Variants in P2RY12 observed in about 807,000 individuals in gnomAD.
P2RY12 encodes the protein purinergic receptor P2Y12, also known as P2Y purinoceptor 12.
P2RY12 carries 3 observed loss-of-function variants against 4.5 expected under a neutral mutation model. The ratio of observed to expected loss-of-function variants is 0.67; its 90% CI spans 0.31 to 1.74. The LOEUF (loss-of-function observed/expected upper bound fraction) is 1.74, where lower values mean the gene tolerates loss of function less well. Ranked by LOEUF, P2RY12 falls within the 40% of genes most tolerant of loss-of-function variation. P2RY12 has a pLI of 0.09. For synonymous variants in P2RY12, 148 were observed against 154.1 expected (o/e 0.96, Z 0.29); for missense variants, 356 against 407.8 (o/e 0.87, Z 1.09).
intron 1 of P2RY12, chr3:151,365,174 G>T: frequency 6.2e-7 from 1 of 1,614,072 alleles, no homozygotes; most frequent in South Asian, 1.1e-5. Flanking sequence ...ATACACTCAT[G>T]AATGTATGTA....
chr3:151,356,031 G>A (rs774424420), intron 1 of P2RY12: 20 of 1,609,448 alleles, frequency 1.2e-5, no homozygotes, highest in East Asian at 2.2e-5. Context: ...AATTGACTTC[G>A]CAATACAGGT....
At chr3:151,353,367 A>G (rs1207029005) in intron 1 of P2RY12, among the ~76,000 whole-genome samples, 1 of 152,260 alleles carries the variant, frequency 6.6e-6, no homozygotes, top group Non-Finnish European at 1.5e-5. Flanking sequence ...CAGTGAAGGC[A>G]AAATTTCATA....
Position 151,382,216 on chromosome 3 carries a change from A to G in P2RY12, c.-180+2476T>C, listed in dbSNP as rs554405487. ...ATCAAGGAAGACACATACATAAGATAGCAGACCTTCTCTTCTATAAAACAT... is the reference window on the plus strand; with the variant it reads ...ATCAAGGAAGACACATACATAAGATGGCAGACCTTCTCTTCTATAAAACAT... On this transcript the variant is annotated intron_variant, in intron 1 of 2. Transcript: ENST00000302632. Among the ~76,000 whole-genome samples, 6 of 152,330 alleles carry G rather than the reference A, an allele frequency of 3.9e-5. No homozygotes were observed. In the South Asian group the frequency reaches 1.2e-3, roughly 32 times the overall value.
At chr3:151,358,270 A>C (rs1038832465) in intron 1 of P2RY12, among the ~76,000 whole-genome samples, 3 of 152,168 alleles carry the variant, frequency 2.0e-5, no homozygotes, top group African/African-American at 7.2e-5. Context: ...TCAGAATGTA[A>C]GAATATTTAC....
chr3:151,340,502 G>A (rs1342422099), intron 2 of P2RY12, 94 bp downstream of exon 2: 1 of 152,372 alleles, frequency 6.6e-6, no homozygotes, highest in African/African-American at 2.4e-5. Flanking sequence ...TAGTTATTAA[G>A]GTTTACAATT....
intron 1 of P2RY12, chr3:151,378,045 C>A: frequency 6.2e-7 from 1 of 1,610,326 alleles, no homozygotes; most frequent in Admixed American, 1.7e-5. Flanking sequence ...GGTTGGTGGC[C>A]CCCCTCATCG....
intron 1 of P2RY12, chr3:151,365,056 A>G (rs140730318): frequency 6.2e-7 from 1 of 1,614,146 alleles, no homozygotes; most frequent in African/African-American, 1.3e-5. Context: ...TGGGATCCAG[A>G]CTTCATGATG....
chr3:151,366,981 A>G (rs540167616), intron 1 of P2RY12, among the ~76,000 whole-genome samples: 3 of 152,320 alleles, frequency 2.0e-5, no homozygotes, highest in East Asian at 3.9e-4. Flanking sequence ...CAAGTTAACC[A>G]TAGTCCTTGG....
chr3:151,365,874 C>T, intron 1 of P2RY12: 1 of 1,611,156 alleles, frequency 6.2e-7, no homozygotes, highest in South Asian at 1.1e-5. Context: ...CCAATTTCTC[C>T]TCTGAGCTTA....
In P2RY12 at chr3:151,356,079, A is replaced by G. The variant is rs189610036; in HGVS notation, c.-179-15319T>C. On this transcript the variant is annotated intron_variant, in intron 1 of 2. Coordinates refer to ENST00000302632, the MANE Select transcript of P2RY12 (RefSeq NM_022788.5). The stretch of plus-strand genomic sequence containing the variant: ...ATGTTTCTCTTACTTTTAGGAAAGC[A>G]AATCCACCAGGCATTGTGCAATTTA... The G allele has an allele frequency of 5.9e-5, 93 of 1,589,144 alleles. 1 individual carries two copies. The African/African-American group carries it at 1.1e-3, about 18-fold the overall frequency.
intron 1 of P2RY12, chr3:151,372,557 T>G: frequency 6.2e-7 from 1 of 1,611,258 alleles, no homozygotes; most frequent in Non-Finnish European, 8.5e-7. Context: ...TTTGTGATTC[T>G]ATTACTTAGG....
intron 1 of P2RY12, among the ~76,000 whole-genome samples, chr3:151,344,748 C>T (rs563719584): frequency 4.6e-5 from 7 of 152,088 alleles, no homozygotes; most frequent in Admixed American, 1.3e-4. Flanking sequence ...AGAAAGGAAG[C>T]GCATTCTGAG....
chr3:151,358,322 C>T (rs1300090375), intron 1 of P2RY12, among the ~76,000 whole-genome samples: 1 of 151,984 alleles, frequency 6.6e-6, no homozygotes, highest in Non-Finnish European at 1.5e-5. Flanking sequence ...AATAACTCAG[C>T]TACTGTATAA....
At chr3:151,376,342 T>G in intron 1 of P2RY12, 1 of 745,808 alleles carries the variant, frequency 1.3e-6, no homozygotes, top group Non-Finnish European at 2.0e-6. Context: ...TCCCACACAT[T>G]TTCTGTGGAA....
chr3:151,337,507 ATAT>A lies in P2RY12; in HGVS notation c.*307_*309del, dbSNP rs1751172236. 2 of 282,818 alleles carry A rather than the reference ATAT, an allele frequency of 7.1e-6. No homozygotes were observed. The highest frequency in any genetic ancestry group is 8.0e-5 in the East Asian group (1 of 12,504). 17.5% of individuals were successfully genotyped at this position (282,818 alleles called of 1,614,324 possible). On this transcript the variant is annotated 3_prime_UTR_variant, in exon 3 of 3. Transcript: ENST00000302632. Reference sequence around the variant, plus strand: ...TAATGTATTTTAAAAATTACAGTAAATATTATATGATTACTCATTTTGGCAAAA... The same window carrying A: ...TAATGTATTTTAAAAATTACAGTAAATATATGATTACTCATTTTGGCAAAA...
At chr3:151,365,307 G>A (rs1020225469) in intron 1 of P2RY12, 2 of 917,892 alleles carry the variant, frequency 2.2e-6, no homozygotes, top group Non-Finnish European at 1.7e-6. Context: ...CTCACATTTG[G>A]CTATCATTTG....
chr3:151,345,777 A>G (rs1752465554), intron 1 of P2RY12, among the ~76,000 whole-genome samples: 1 of 152,014 alleles, frequency 6.6e-6, no homozygotes, highest in African/African-American at 2.4e-5. Context: ...TCAGCCTCCC[A>G]AAGTGCTGGG....
Position 151,338,365 on chromosome 3 carries a change from T to A in P2RY12, c.481A>T (p.Ile161Phe). ...FMFLLSLPNM[I>F]LTNRQPRDKN... ...TCTCTCGGCTGCCTGTTGGTCAGAA[T>A]CATGTTAGGCAAAGAGAGTAAGAAC... The change falls in exon 3 of 3, where the codon ATT becomes TTT. Residue 161 changes from isoleucine to phenylalanine, a missense_variant. Transcript: ENST00000302632. 9.9e-6 allele frequency: 16 copies of A among 1,614,150 alleles called. No homozygotes were observed. The highest frequency in any genetic ancestry group is 1.4e-5 in the Non-Finnish European group (16 of 1,180,024).
intron 1 of P2RY12, among the ~76,000 whole-genome samples, chr3:151,384,398 G>A (rs1182000188): frequency 1.3e-5 from 2 of 152,058 alleles, no homozygotes; most frequent in Non-Finnish European, 2.9e-5. Flanking sequence ...ACATAACCTT[G>A]ATTATTTTTT....
Sources: allele counts gnomAD v4.1 joint callset (sites outside exome capture counted in the v4.1 genomes callset), GRCh38; gene constraint gnomAD v4.1.1; transcripts MANE v1.5; gene names NCBI Gene and HGNC (gene_info 2026-07-23, HGNC 2026-07-21).